FAM193A: variants seen among roughly 807,000 people sequenced by gnomAD.
FAM193A encodes the protein protein FAM193A.
A neutral mutation model predicts 126.5 loss-of-function variants in FAM193A; 22 were observed. That is an observed-to-expected ratio of 0.17 (90% CI 0.12 to 0.25). FAM193A has a LOEUF of 0.25. FAM193A is among the 10% of genes least tolerant of loss of function. The pLI is 1.00. For synonymous variants in FAM193A, 761 were observed against 646.8 expected, an observed-to-expected ratio of 1.18 and a Z score of -2.68; for missense variants, 1,675 against 1,672.8, an observed-to-expected ratio of 1.00 and a Z score of -0.02.
Position 2,573,476 on chromosome 4 carries a change from G to T in FAM193A, c.256-22608G>T, listed in dbSNP as rs1739408907. Among the ~76,000 whole-genome samples, 3 of 150,126 alleles carry T rather than the reference G, an allele frequency of 2.0e-5. No homozygotes were observed. In the South Asian group the frequency reaches 6.3e-4, roughly 31 times the overall value. The stretch of plus-strand genomic sequence containing the variant: ...TGCAGTGAGCTGAGATCGTGCCACT[G>T]CATTCCAGCCTCAGCGACAGAGTGA... On this transcript the variant is annotated intron_variant, in intron 1 of 20. Coordinates refer to ENST00000637812, the MANE Select transcript of FAM193A (RefSeq NM_001366318.2).
At chr4:2,649,178 A>G (rs1745424658) in intron 7 of FAM193A, among the ~76,000 whole-genome samples, 1 of 151,704 alleles carries the variant, frequency 6.6e-6, no homozygotes, top group Non-Finnish European at 1.5e-5. Context: ...GTTTGAGACC[A>G]GCCTGGGCAA....
intron 1 of FAM193A, among the ~76,000 whole-genome samples, chr4:2,544,079 C>T (rs932541653): frequency 2.6e-5 from 4 of 151,988 alleles, no homozygotes; most frequent in African/African-American, 9.7e-5. Flanking sequence ...TCATATTTGC[C>T]TAGTGACCTG....
intron 1 of FAM193A, among the ~76,000 whole-genome samples, chr4:2,556,258 T>C (rs1738254025): frequency 6.6e-6 from 1 of 151,534 alleles, no homozygotes; most frequent in South Asian, 2.1e-4. Context: ...CAGGCTGGAG[T>C]GCAGTGACGC....
At chr4:2,654,593 G>GTT (rs1454544782) in intron 7 of FAM193A, 2 of 151,688 alleles carry the variant, frequency 1.3e-5, no homozygotes, top group African/African-American at 4.8e-5. Context: ...CAAGGAAGAG[G>GTT]TTTTTATTGA....
intron 1 of FAM193A, among the ~76,000 whole-genome samples, chr4:2,559,801 C>T (rs993938076): frequency 6.6e-5 from 10 of 152,166 alleles, no homozygotes; most frequent in African/African-American, 2.4e-4. Flanking sequence ...AGCGTCCTTG[C>T]CGTTCGCTTC....
intron 1 of FAM193A, among the ~76,000 whole-genome samples, chr4:2,543,363 G>A (rs1431489151): frequency 2.0e-5 from 3 of 151,814 alleles, no homozygotes; most frequent in African/African-American, 4.8e-5. Context: ...CTAGGATTAC[G>A]GTGTGAGCCA....
At chr4:2,701,205 T>C (rs1035576951) in intron 19 of FAM193A, among the ~76,000 whole-genome samples, 9 of 151,962 alleles carry the variant, frequency 5.9e-5, no homozygotes, top group East Asian at 3.9e-4. Context: ...AATGAAGAAG[T>C]TGACACTGAT....
intron 19 of FAM193A, among the ~76,000 whole-genome samples, chr4:2,713,049 G>C (rs546014734): frequency 1.3e-5 from 2 of 150,184 alleles, no homozygotes; most frequent in South Asian, 2.1e-4. Context: ...AGGTTGCAGC[G>C]AGCTGAGATT....
intron 1 of FAM193A, among the ~76,000 whole-genome samples, chr4:2,560,020 G>A (rs1402397354): frequency 1.3e-5 from 2 of 151,438 alleles, no homozygotes; most frequent in African/African-American, 4.9e-5. Context: ...GTGCAGTGGT[G>A]CGATCTTGGC....
chr4:2,552,727 C>T (rs896242018), intron 1 of FAM193A, among the ~76,000 whole-genome samples: 3 of 150,844 alleles, frequency 2.0e-5, no homozygotes, highest in South Asian at 2.1e-4. Context: ...TTAGTAGAGA[C>T]GGGGTTTCAC....
chr4:2,608,904 T>G (rs139776762), intron 2 of FAM193A, among the ~76,000 whole-genome samples: 1 of 151,390 alleles, frequency 6.6e-6, no homozygotes, highest in Non-Finnish European at 1.5e-5. Flanking sequence ...TTTTTTTTTT[T>G]TTTTGAGACA....
chr4:2,623,475 C>T (rs1048339268), intron 2 of FAM193A, among the ~76,000 whole-genome samples: 1 of 152,136 alleles, frequency 6.6e-6, no homozygotes, highest in Non-Finnish European at 1.5e-5. Flanking sequence ...TGGCCGGTCC[C>T]CTGCTGTCTT....
At chr4:2,650,778 C>T (rs1336165314) in intron 7 of FAM193A, among the ~76,000 whole-genome samples, 2 of 152,158 alleles carry the variant, frequency 1.3e-5, no homozygotes, top group Admixed American at 6.5e-5. Context: ...CTACCTTTAC[C>T]AAGGACCGCA....
chr4:2,652,618 G>T (rs1278228366), intron 7 of FAM193A, among the ~76,000 whole-genome samples: 2 of 152,062 alleles, frequency 1.3e-5, no homozygotes, highest in African/African-American at 2.4e-5. Context: ...CTGAGCACTC[G>T]CTATCACGAG....
chr4:2,675,156 C>T (rs1714252034), intron 13 of FAM193A, among the ~76,000 whole-genome samples: 1 of 151,854 alleles, frequency 6.6e-6, no homozygotes, highest in Non-Finnish European at 1.5e-5. Context: ...GTTTTATGGC[C>T]CAGAATTTGG....
At chr4:2,580,747 T>G (rs75490517) in intron 1 of FAM193A, among the ~76,000 whole-genome samples, 1 of 152,350 alleles carries the variant, frequency 6.6e-6, no homozygotes, top group Admixed American at 6.5e-5. Context: ...AAGCTTCCTG[T>G]GGCCTCACTA....
At position 2,714,339 on chromosome 4, in the gene FAM193A, G is replaced by T. The variant is rs148243466; in HGVS notation, c.4373-1684G>T. On this transcript the variant is annotated intron_variant, in intron 19 of 20. Coordinates refer to ENST00000637812, the MANE Select transcript of FAM193A (RefSeq NM_001366318.2). ...TGTACAAACATGTGGAGCCTGCTGT[G>T]GCTGGGGGCTGTCCTCACTCTCCAG... Among the ~76,000 whole-genome samples, 426 of 152,212 alleles carry T rather than the reference G, an allele frequency of 2.8e-3. 3 individuals are homozygous for T. Among genetic ancestry groups the T allele is most frequent in the African/African-American group, 9.5e-3 (393 of 41,542 alleles).
chr4:2,571,899 C>G (rs1384944523), intron 1 of FAM193A, among the ~76,000 whole-genome samples: 1 of 151,022 alleles, frequency 6.6e-6, no homozygotes, highest in African/African-American at 2.4e-5. Flanking sequence ...GGCGCTGTGG[C>G]TCACGCCTGT....
chr4:2,717,421 C>T (rs1719661667), intron 20 of FAM193A, among the ~76,000 whole-genome samples: 1 of 151,944 alleles, frequency 6.6e-6, no homozygotes, highest in Non-Finnish European at 1.5e-5. Context: ...CATGGTGAAA[C>T]CCCGTCTCTA....
Sources: gnomAD v4.1 joint callset for allele counts (sites outside exome capture counted in the v4.1 genomes callset) on GRCh38, gnomAD v4.1.1 for gene constraint, MANE v1.5 for transcripts, NCBI Gene and HGNC (gene_info 2026-07-23, HGNC 2026-07-21) for gene names.